PIK3R6: variants seen among roughly 807,000 people sequenced by gnomAD.
PIK3R6 encodes phosphoinositide-3-kinase regulatory subunit 6.
A neutral mutation model predicts 84.9 loss-of-function variants in PIK3R6; 91 were observed. That is an observed-to-expected ratio of 1.07 (90% confidence interval 0.90 to 1.28). The LOEUF (loss-of-function observed/expected upper bound fraction) is 1.28. PIK3R6 is among the 50% of genes most tolerant of loss of function. The pLI is 0.00. For missense variants in PIK3R6, 996 were observed against 985.1 expected (o/e 1.01, Z -0.15); for synonymous variants, 416 against 411.4 (o/e 1.01, Z -0.13).
chr17:8,848,920 C>T (rs1371258395), intron 2 of PIK3R6, among the ~76,000 whole-genome samples: 1 of 152,166 alleles, frequency 6.6e-6, no homozygotes, highest in African/African-American at 2.4e-5. Flanking sequence ...CTAGGGGATG[C>T]CCTTCCCTTC....
Position 8,844,261 on chromosome 17 carries a change from C to T in PIK3R6, c.14-4564G>A, listed in dbSNP as rs540624937. ...AAGCAGTTCTGGTGGCTGTAGCCACCGTGGACTGGAGACGACAGACTTTTC... is the reference window on the plus strand; with the variant it reads ...AAGCAGTTCTGGTGGCTGTAGCCACTGTGGACTGGAGACGACAGACTTTTC... On this transcript the variant is annotated intron_variant, in intron 2 of 19. Transcript: ENST00000619866. This position sits in a 1 kb window ranked among gnomAD's most constrained non-coding sequence, Gnocchi z 4.5. Among the ~76,000 whole-genome samples, 9 of 152,312 alleles carry T rather than the reference C, an allele frequency of 5.9e-5. No individual in the cohort carries two copies. The highest frequency in any genetic ancestry group is 2.1e-4 in the South Asian group (1 of 4,828).
intron 2 of PIK3R6, among the ~76,000 whole-genome samples, chr17:8,843,608 T>C (rs1160377897): frequency 6.6e-6 from 1 of 152,092 alleles, no homozygotes; most frequent in Non-Finnish European, 1.5e-5. Context: ...TGGCTTGCTA[T>C]GTGTTTTGTT....
Position 8,860,293 on chromosome 17 carries a change from G to GGC in PIK3R6, c.-92+7235_-92+7236insGC, listed in dbSNP as rs201490947. ...CCTGAGCTCCGCCTCCTGGGGCGGGGGGCGGTGTGGGCATAAGATTCTCAT... is the reference window on the plus strand; with the variant it reads ...CCTGAGCTCCGCCTCCTGGGGCGGGGGCGGCGGTGTGGGCATAAGATTCTCAT... On this transcript the variant is annotated intron_variant, in intron 1 of 19. Transcript: ENST00000619866. Among the ~76,000 whole-genome samples the GGC allele has an allele frequency of 1.2e-3, 176 of 152,128 alleles. No homozygotes were observed. In the East Asian group the frequency reaches 0.025, roughly 22 times the overall value.
intron 1 of PIK3R6, among the ~76,000 whole-genome samples, chr17:8,857,551 G>T (rs550752401): frequency 1.1e-4 from 17 of 152,306 alleles, no homozygotes; most frequent in African/African-American, 4.1e-4. Flanking sequence ...CGAAAGAAAA[G>T]AAATCTCACA....
intron 14 of PIK3R6, 77 bp downstream of exon 14, chr17:8,823,310 A>T: frequency 8.9e-7 from 1 of 1,119,882 alleles, no homozygotes; most frequent in South Asian, 1.4e-5. Flanking sequence ...TGGCCTGGTG[A>T]CCAGTGTTTC....
rs138715567 is a variant in PIK3R6 at position 8,842,919 on chromosome 17, A to G, written c.14-3222T>C. Among the ~76,000 whole-genome samples, 452 of 152,336 alleles carry G rather than the reference A, an allele frequency of 3.0e-3. 1 individual carries two copies. The highest frequency in any genetic ancestry group is 0.01 in the African/African-American group (428 of 41,572). On this transcript the variant is annotated intron_variant, in intron 2 of 19. Coordinates refer to ENST00000619866, the MANE Select transcript of PIK3R6 (RefSeq NM_001010855.4). This position sits in a 1 kb window ranked among gnomAD's most constrained non-coding sequence, Gnocchi z 4.5. Reference sequence around the variant, plus strand: ...ATCAGCAGATTGCAGTCCAAGAGTTAAAATATTTTTAGGCCAAGTCACCAT... The same window carrying G: ...ATCAGCAGATTGCAGTCCAAGAGTTGAAATATTTTTAGGCCAAGTCACCAT...
At chr17:8,854,204 C>T (rs2089062633) in intron 1 of PIK3R6, among the ~76,000 whole-genome samples, 2 of 151,760 alleles carry the variant, frequency 1.3e-5, no homozygotes, top group African/African-American at 2.4e-5. Context: ...GGCTGGAGTG[C>T]GATGCGTGAT....
At chr17:8,827,783 AGAGAG>A (rs2087991878) in intron 12 of PIK3R6, among the ~76,000 whole-genome samples, 1 of 135,294 alleles carries the variant, frequency 7.4e-6, no homozygotes, top group East Asian at 2.0e-4. Context: ...AGAGAGAGAG[AGAGAG>A]AGAGAGAGAG....
Position 8,823,057 on chromosome 17 carries a change from AG to A in PIK3R6, c.1655del (p.Pro552LeufsTer10), listed in dbSNP as rs2087794109. ...GTTCAATGAGGAAAATGTCCTCAGTAGGGTCTTGGCTCAGGTCACTGAAAAA... is the reference window on the plus strand; with the variant it reads ...GTTCAATGAGGAAAATGTCCTCAGTAGGTCTTGGCTCAGGTCACTGAAAAA... ...KIFFSDLSQD[P>X]TEDIFLIELK... On this transcript the variant is annotated frameshift_variant, in exon 15 of 20. Coordinates refer to ENST00000619866, the MANE Select transcript of PIK3R6 (RefSeq NM_001010855.4). LOFTEE classifies it high-confidence loss of function. 2 of 1,609,912 alleles carry A rather than the reference AG, an allele frequency of 1.2e-6. No individual in the cohort carries two copies. Among genetic ancestry groups the A allele is most frequent in the East Asian group, 4.5e-5 (2 of 44,850 alleles).
intron 1 of PIK3R6, among the ~76,000 whole-genome samples, chr17:8,858,596 C>T (rs966910528): frequency 3.9e-5 from 6 of 152,106 alleles, no homozygotes; most frequent in Non-Finnish European, 8.8e-5. Flanking sequence ...GGATTAGAGG[C>T]GTGAGCCAGG....
rs529629066 is a variant in PIK3R6, at chr17:8,862,937, T to C, written c.-92+4592A>G. 6.6e-6 allele frequency among the ~76,000 whole-genome samples: 1 copy of C among 152,306 alleles called. No individual in the cohort carries two copies. Among genetic ancestry groups the C allele is most frequent in the African/African-American group, 2.4e-5 (1 of 41,560 alleles). ...CAGCATTCACTCATGGTTTCACTTATTCCATAGTTCCTGAGCACCTTCTAT... is the reference window on the plus strand; with the variant it reads ...CAGCATTCACTCATGGTTTCACTTACTCCATAGTTCCTGAGCACCTTCTAT... On this transcript the variant is annotated intron_variant, in intron 1 of 19. Coordinates refer to ENST00000619866, the MANE Select transcript of PIK3R6 (RefSeq NM_001010855.4). The surrounding 1 kb of genome is among the most constrained non-coding windows in gnomAD (Gnocchi z 4.3).
intron 18 of PIK3R6, among the ~76,000 whole-genome samples, chr17:8,810,283 T>A (rs1328356796): frequency 6.8e-6 from 1 of 147,750 alleles, no homozygotes; most frequent in Non-Finnish European, 1.5e-5. Flanking sequence ...GAGAACAGCA[T>A]GGGAAAGACC....
intron 1 of PIK3R6, among the ~76,000 whole-genome samples, chr17:8,861,750 G>A (rs965743832): frequency 1.3e-5 from 2 of 152,198 alleles, no homozygotes; most frequent in African/African-American, 4.8e-5. Context: ...TGGCAATTGA[G>A]ATATGCCAAG....
At chr17:8,805,900 A>G (rs2087191368) in intron 18 of PIK3R6, among the ~76,000 whole-genome samples, 1 of 151,672 alleles carries the variant, frequency 6.6e-6, no homozygotes, top group Non-Finnish European at 1.5e-5. Context: ...CCCGGGCAAC[A>G]GAATGAGACT....
At chr17:8,847,002 T>A (rs1392292441) in intron 2 of PIK3R6, among the ~76,000 whole-genome samples, 1 of 152,080 alleles carries the variant, frequency 6.6e-6, no homozygotes, top group Non-Finnish European at 1.5e-5. Context: ...GTGGTGAGAG[T>A]GAGAATAAGC....
At position 8,819,134 on chromosome 17, in the gene PIK3R6, G is replaced by T; in HGVS notation, c.1944C>A (p.Val648=). Residue 648 remains valine, a synonymous_variant, in exon 18 of 20, where the codon GTC becomes GTA. Transcript: ENST00000619866. ...APVTDHTCLN[V]NVTEVVKSSN... ...AGGACTTGACAACCTCTGTCACGTT[G>T]ACATTCAGACATGTGTGGTCTGTGA... 1 of 1,610,428 alleles carries T rather than the reference G, an allele frequency of 6.2e-7. No homozygotes were observed. Among genetic ancestry groups the T allele is most frequent in the South Asian group, 1.1e-5 (1 of 90,110 alleles).
chr17:8,839,547 C>CT lies in PIK3R6; in HGVS notation c.97+66_97+67insA. ...AGGCCGGGGCTCTTTCCTGTATGCG[C>CT]GTGTATTGTTGGCTGGGGTTGGGTG... is the stretch of plus-strand genomic sequence containing the variant. On this transcript the variant is annotated intron_variant, in intron 3 of 19. Transcript: ENST00000619866. The surrounding 1 kb of genome is among the most constrained non-coding windows in gnomAD (Gnocchi z 4.2). 7.6e-7 allele frequency: 1 copy of CT among 1,317,020 alleles called. No homozygotes were observed. The highest frequency in any genetic ancestry group is 1.1e-6 in the Non-Finnish European group (1 of 943,588). The allele number at this position is 1,317,020 out of a possible 1,614,324, so 81.6% of individuals were successfully genotyped here. A position where few individuals can be genotyped will look rare whatever the true frequency, so the allele number is the denominator to read the frequency against.
chr17:8,836,710 CGGTAT>C, intron 6 of PIK3R6, 76 bp downstream of exon 6: 1 of 1,610,462 alleles, frequency 6.2e-7, no homozygotes. Flanking sequence ...TTGAGCTCCC[CGGTAT>C]CCTGGAGAAA....
intron 11 of PIK3R6, 99 bp from the exon 12 acceptor site, chr17:8,828,289 T>A: frequency 1.6e-6 from 2 of 1,288,058 alleles, no homozygotes; most frequent in Non-Finnish European, 2.2e-6. Context: ...GGGCAATTTG[T>A]GTCATCTTTC....
Sources: allele counts gnomAD v4.1 joint callset (sites outside exome capture counted in the v4.1 genomes callset), GRCh38; gene constraint gnomAD v4.1.1; non-coding constraint Gnocchi (gnomAD v3.1); transcripts MANE v1.5; gene names NCBI Gene and HGNC (gene_info 2026-07-23, HGNC 2026-07-21).